The following ARPC5L variants were observed in gnomAD, a reference collection of about 807,000 sequenced individuals.
ARPC5L encodes the protein actin related protein 2/3 complex subunit 5 like.
In ARPC5L, 4 loss-of-function variants were observed where a neutral mutation model predicts 16.9. The observed-to-expected ratio is 0.24, with a 90% CI of 0.12 to 0.54. ARPC5L has a LOEUF of 0.54. ARPC5L is among the 20% of genes least tolerant of loss of function. The pLI is 0.95. For missense variants in ARPC5L, 151 were observed against 201.9 expected, an observed-to-expected ratio of 0.75 and a Z score of 1.53; for synonymous variants, 78 against 82.6, an observed-to-expected ratio of 0.94 and a Z score of 0.30.
At chr9:124,863,604 G>T (rs1266156821) in intron 1 of ARPC5L, among the ~76,000 whole-genome samples, 1 of 152,186 alleles carries the variant, frequency 6.6e-6, no homozygotes, top group East Asian at 1.9e-4. Context: ...GGAGATATCT[G>T]TAAAGCTGTT....
At chr9:124,869,714 C>G (rs1829328198) in intron 3 of ARPC5L, among the ~76,000 whole-genome samples, 1 of 152,246 alleles carries the variant, frequency 6.6e-6, no homozygotes, top group African/African-American at 2.4e-5. Flanking sequence ...GGCACCCCCG[C>G]AGGTCCCGCG....
chr9:124,867,389 CT>C (rs943579906), intron 2 of ARPC5L, among the ~76,000 whole-genome samples: 34 of 152,174 alleles, frequency 2.2e-4, no homozygotes, highest in Non-Finnish European at 4.7e-4. Flanking sequence ...GATCTGCCCC[CT>C]GGGCCTCCCA....
intron 5 of ARPC5L, among the ~76,000 whole-genome samples, chr9:124,876,044 G>T (rs1163547019): frequency 3.9e-5 from 6 of 152,132 alleles, no homozygotes; most frequent in Non-Finnish European, 8.8e-5. Context: ...AGGCAGCTTG[G>T]TGCCTGCCAG....
At chr9:124,869,750 C>T (rs551331355) in intron 3 of ARPC5L, among the ~76,000 whole-genome samples, 232 of 152,368 alleles carry the variant, frequency 1.5e-3, no homozygotes, top group African/African-American at 5.2e-3. Flanking sequence ...GCCTCCTCGT[C>T]CCCTCACGCT....
intron 2 of ARPC5L, among the ~76,000 whole-genome samples, chr9:124,866,053 T>C (rs1208654034): frequency 1.3e-5 from 2 of 151,530 alleles, no homozygotes; most frequent in African/African-American, 4.9e-5. Context: ...TGCAGTGAGC[T>C]GAGGTTGGGC....
Position 124,862,130 on chromosome 9 carries a change from A to G in ARPC5L, c.-1252A>G, listed in dbSNP as rs540555071. On this transcript the variant is annotated 5_prime_UTR_variant, in exon 1 of 6. Coordinates refer to ENST00000353214, the MANE Select transcript of ARPC5L (RefSeq NM_030978.3). ...AGCCCCGCCTTGTAGTGCTCGCCTC[A>G]TTCACGGCACCCCTGATAGCGAGGT... The G allele has an allele frequency of 1.7e-5, 9 of 529,052 alleles. No individual in the cohort carries two copies. The highest frequency in any genetic ancestry group is 1.2e-4 in the African/African-American group (6 of 49,980). The allele number at this position is 529,052 out of a possible 1,614,324, so 32.8% of individuals were successfully genotyped here. A position where few individuals can be genotyped will look rare whatever the true frequency, so the allele number is the denominator to read the frequency against.
At position 124,875,130 on chromosome 9, in the gene ARPC5L, G is replaced by T; in HGVS notation, c.378G>T (p.Val126=). The stretch of plus-strand genomic sequence containing the variant: ...AGCCCACAGAAAATAGCAGCGCAGT[G>T]TTACTCCAGTGGCACGAAAAGGTAT... The part of the protein sequence containing the change: ...FEKPTENSSA[V]LLQWHEKALA... The change falls in exon 5 of 6, where the codon GTG becomes GTT. Residue 126 remains valine (V), a synonymous_variant. Transcript: ENST00000353214. 6.2e-7 allele frequency: 1 copy of T among 1,614,042 alleles called. No individual in the cohort carries two copies. Among genetic ancestry groups the T allele is most frequent in the Non-Finnish European group, 8.5e-7 (1 of 1,179,914 alleles).
chr9:124,864,832 A>C (rs1588039841), intron 2 of ARPC5L, among the ~76,000 whole-genome samples: 1 of 142,386 alleles, frequency 7.0e-6, no homozygotes. Flanking sequence ...TTTGAGACTG[A>C]GTTTCATTCT....
chr9:124,876,855 G>A lies in ARPC5L; in HGVS notation c.400-23G>A, dbSNP rs140891822. 1.5e-4 allele frequency: 235 copies of A among 1,606,462 alleles called. 1 individual carries two copies. Among genetic ancestry groups the A allele is most frequent in the East Asian group, 1.4e-3 (64 of 44,690 alleles). On this transcript the variant is annotated intron_variant, in intron 5 of 5. Transcript: ENST00000353214. Reference sequence around the variant, plus strand: ...TGGCCAGCCAGGTCTCATCTGACACGTTTTCTTTTCCTGCCCCCACAGGCC... The same window carrying A: ...TGGCCAGCCAGGTCTCATCTGACACATTTTCTTTTCCTGCCCCCACAGGCC...
At chr9:124,875,185 A>C (rs1439784673) in intron 5 of ARPC5L, 34 bp downstream of exon 5, 2 of 1,600,192 alleles carry the variant, frequency 1.2e-6, no homozygotes, top group Middle Eastern at 1.8e-4. Context: ...CCAGTGAGCC[A>C]CCTGGCTTGC....
chr9:124,873,697 A>T lies in ARPC5L; in HGVS notation c.155A>T (p.Asp52Val). 6.2e-7 allele frequency: 1 copy of T among 1,614,152 alleles called. No individual in the cohort carries two copies. The highest frequency in any genetic ancestry group is 8.5e-7 in the Non-Finnish European group (1 of 1,180,026). Residue 52 changes from aspartate (D) to valine (V), a missense_variant, in exon 4 of 6, where the codon GAC becomes GTC. Coordinates refer to ENST00000353214, the MANE Select transcript of ARPC5L (RefSeq NM_030978.3). ...SEVDGLLRQGDMLRAFHAALR... is the reference protein window; with the variant it reads ...SEVDGLLRQGVMLRAFHAALR... Reference sequence around the variant, plus strand: ...CTTAACTGGTGGTGATGCACAGGGGACATGCTTCGGGCATTCCATGCAGCC... The same window carrying T: ...CTTAACTGGTGGTGATGCACAGGGGTCATGCTTCGGGCATTCCATGCAGCC...
chr9:124,877,156 G>A lies in ARPC5L; in HGVS notation c.*216G>A. The A allele has an allele frequency of 1.8e-6, 1 of 544,170 alleles. No homozygotes were observed. The highest frequency in any genetic ancestry group is 3.2e-6 in the Non-Finnish European group (1 of 309,054). The allele number at this position is 544,170 out of a possible 1,614,324, so 33.7% of individuals were successfully genotyped here. On this transcript the variant is annotated 3_prime_UTR_variant, in exon 6 of 6. Transcript: ENST00000353214. ...TGATAGTCTATGCCTTTGTCTCCGA[G>A]TACTGCAGAACTGACATTTTGACGG...
At chr9:124,865,828 T>C (rs1056385878) in intron 2 of ARPC5L, among the ~76,000 whole-genome samples, 35 of 149,570 alleles carry the variant, frequency 2.3e-4, no homozygotes, top group African/African-American at 8.4e-4. Context: ...AAATTGGGAC[T>C]GGGCGTGGTG....
Position 124,869,157 on chromosome 9 carries a change from G to T in ARPC5L, c.-134G>T. 9.7e-7 allele frequency: 1 copy of T among 1,030,554 alleles called. No individual in the cohort carries two copies. The highest frequency in any genetic ancestry group is 3.4e-5 in the East Asian group (1 of 29,462). The allele number at this position is 1,030,554 out of a possible 1,614,324, so 63.8% of individuals were successfully genotyped here. On this transcript the variant is annotated 5_prime_UTR_variant, in exon 3 of 6. Transcript: ENST00000353214. ...AGTGGGCGGGCGGCGGCGGCTGCGC[G>T]CGGAGGCGGTGGAGGAGGTGCTGGG...
At position 124,877,425 on chromosome 9, in the gene ARPC5L, G is replaced by C. The variant is rs552371717; in HGVS notation, c.*485G>C. 1 of 153,756 alleles carries C rather than the reference G, an allele frequency of 6.5e-6. No homozygotes were observed. The highest frequency in any genetic ancestry group is 2.4e-5 in the African/African-American group (1 of 41,578). The allele number at this position is 153,756 out of a possible 1,614,324, so 9.5% of individuals were successfully genotyped here. The stretch of plus-strand genomic sequence containing the variant: ...GGCTTATTAGTCTATACATTGCGGT[G>C]TGTTTCGTGTATGTAAAAAAAAATG... On this transcript the variant is annotated 3_prime_UTR_variant, in exon 6 of 6. Coordinates refer to ENST00000353214, the MANE Select transcript of ARPC5L (RefSeq NM_030978.3).
intron 1 of ARPC5L, among the ~76,000 whole-genome samples, chr9:124,863,519 C>T (rs1332346852): frequency 6.6e-6 from 1 of 152,228 alleles, no homozygotes; most frequent in African/African-American, 2.4e-5. Flanking sequence ...GTAGTTGAGA[C>T]TCTTGGGAAA....
At chr9:124,863,712 GAATT>G (rs1047472417) in intron 1 of ARPC5L, among the ~76,000 whole-genome samples, 2 of 152,198 alleles carry the variant, frequency 1.3e-5, no homozygotes, top group African/African-American at 4.8e-5. Flanking sequence ...AGTGAAACGG[GAATT>G]CACAAGGCAG....
chr9:124,866,272 C>T (rs1299390402), intron 2 of ARPC5L, among the ~76,000 whole-genome samples: 1 of 146,278 alleles, frequency 6.8e-6, no homozygotes, highest in Non-Finnish European at 1.5e-5. Flanking sequence ...GGTGTGGTGG[C>T]AGGTGCCGGT....
At chr9:124,866,847 C>A (rs1829277448) in intron 2 of ARPC5L, among the ~76,000 whole-genome samples, 1 of 152,224 alleles carries the variant, frequency 6.6e-6, no homozygotes, top group Non-Finnish European at 1.5e-5. Context: ...TACTTTGGTT[C>A]TCGATCCCAG....
Sources: allele counts gnomAD v4.1 joint callset (sites outside exome capture counted in the v4.1 genomes callset), GRCh38; gene constraint gnomAD v4.1.1; transcripts MANE v1.5; gene names NCBI Gene and HGNC (gene_info 2026-07-23, HGNC 2026-07-21).